The following HIP1 variants were observed in gnomAD, a reference collection of about 807,000 sequenced individuals.
HIP1 encodes huntingtin-interacting protein 1.
In HIP1, 65 loss-of-function variants were observed where a neutral mutation model predicts 147.6. The ratio of observed to expected loss-of-function variants is 0.44; its 90% CI spans 0.36 to 0.54. The LOEUF (loss-of-function observed/expected upper bound fraction) is 0.54. Among genes scored for constraint, HIP1 ranks in the 20% least tolerant of loss-of-function variants. HIP1 has a pLI of 0.00. For missense variants in HIP1, 1,061 were observed against 1,299.6 expected (o/e 0.82, Z 2.82); for synonymous variants, 479 against 504.0 (o/e 0.95, Z 0.67).
chr7:75,719,578 G>A (rs1238054534), intron 1 of HIP1, among the ~76,000 whole-genome samples: 1 of 152,008 alleles, frequency 6.6e-6, no homozygotes. Flanking sequence ...ACAATGTTGA[G>A]GACTTTTCAT....
chr7:75,559,560 A>G (rs1385654604), intron 14 of HIP1, among the ~76,000 whole-genome samples, 172 bp downstream of exon 14: 1 of 152,176 alleles, frequency 6.6e-6, no homozygotes, highest in African/African-American at 2.4e-5. Flanking sequence ...TTGTGCCTGC[A>G]GGACTCAAAC....
chr7:75,639,198 A>AGGC (rs530262772), intron 1 of HIP1: 306 of 974,506 alleles, frequency 3.1e-4, no homozygotes, highest in African/African-American at 2.6e-3. Flanking sequence ...GGACCGGGGC[A>AGGC]GGCGGCGGCG....
At chr7:75,556,681 A>G (rs794368) in intron 17 of HIP1, 29 bp downstream of exon 17, 750,339 of 1,305,504 alleles carry the variant, frequency 0.57, 220,817 homozygotes, top group Middle Eastern at 0.62. Flanking sequence ...AGAAGACTCT[A>G]TCTCCAAAAA....
intron 1 of HIP1, among the ~76,000 whole-genome samples, chr7:75,709,109 C>CTTTTTTTTTTTTTTTT (rs55720152): frequency 2.2e-4 from 29 of 131,414 alleles, no homozygotes; most frequent in East Asian, 4.4e-4. Flanking sequence ...TTTTTCTTTT[C>CTTTTTTTTTTTTTTTT]TTTTTTTTTT....
chr7:75,614,508 A>C (rs1446560152), intron 1 of HIP1, among the ~76,000 whole-genome samples: 1 of 123,874 alleles, frequency 8.1e-6, no homozygotes, highest in Non-Finnish European at 1.9e-5. Context: ...AAGTGCTCAG[A>C]ATGGGCAGAT....
intron 1 of HIP1, among the ~76,000 whole-genome samples, chr7:75,685,705 C>T (rs1345048001): frequency 9.9e-5 from 15 of 152,156 alleles, no homozygotes; most frequent in African/African-American, 2.7e-4. Context: ...CCCGCCACCA[C>T]GCCCGGCTAA....
rs1554493435 is a variant in HIP1, at chr7:75,556,748, G to GCTCC, written c.1641_1644dup (p.Leu549GlyfsTer40). ...TCCAGGCTGCCTTGCAGAACCTGAA[G>GCTCC]CTCCCGTTGGCTTGTGGCAAGTTCC... On this transcript the variant is annotated frameshift_variant, in exon 17 of 31. Coordinates refer to ENST00000336926, the MANE Select transcript of HIP1 (RefSeq NM_005338.7). LOFTEE classifies it high-confidence loss of function. The GCTCC allele has an allele frequency of 6.2e-7, 1 of 1,613,422 alleles. No homozygotes were observed. The highest frequency in any genetic ancestry group is 1.3e-5 in the African/African-American group (1 of 74,862).
At chr7:75,599,136 G>A (rs946005372) in intron 2 of HIP1, 48 bp downstream of exon 2, 6 of 1,440,484 alleles carry the variant, frequency 4.2e-6, no homozygotes, top group Non-Finnish European at 4.9e-6. Context: ...GTCCCCATGA[G>A]CTGACCTCCC....
At chr7:75,680,871 G>A (rs1328922840) in intron 1 of HIP1, among the ~76,000 whole-genome samples, 1 of 152,118 alleles carries the variant, frequency 6.6e-6, no homozygotes, top group Non-Finnish European at 1.5e-5. Flanking sequence ...CGCCTCCCAG[G>A]TTCAGGCCAT....
chr7:75,591,019 G>A (rs1267114878), intron 4 of HIP1, among the ~76,000 whole-genome samples: 4 of 151,618 alleles, frequency 2.6e-5, no homozygotes, highest in Non-Finnish European at 5.9e-5. Flanking sequence ...GAACATATCA[G>A]AATCAACCAG....
chr7:75,682,719 G>A (rs2253020), intron 1 of HIP1, among the ~76,000 whole-genome samples: 88,670 of 151,948 alleles, frequency 0.58, 26,440 homozygotes, highest in African/African-American at 0.69. Context: ...CTGATAGAGC[G>A]AGAAAATACA....
intron 28 of HIP1, 40 bp downstream of exon 28, chr7:75,542,811 A>G (rs141289688): frequency 6.2e-7 from 1 of 1,609,446 alleles, no homozygotes; most frequent in Admixed American, 1.7e-5. Context: ...AGAAGAGCTC[A>G]ACAGGGTGGG....
chr7:75,671,928 T>A (rs1799740447), intron 1 of HIP1, among the ~76,000 whole-genome samples: 1 of 152,050 alleles, frequency 6.6e-6, no homozygotes, highest in South Asian at 2.1e-4. Context: ...AGAGATAGAT[T>A]TTCACCGTGT....
chr7:75,569,820 A>G (rs587662565), intron 8 of HIP1, among the ~76,000 whole-genome samples: 2 of 152,332 alleles, frequency 1.3e-5, no homozygotes, highest in South Asian at 4.1e-4. Context: ...GTGAAACGTC[A>G]TAGCCAAGAG....
At chr7:75,700,517 G>T (rs1206500433) in intron 1 of HIP1, among the ~76,000 whole-genome samples, 1 of 152,150 alleles carries the variant, frequency 6.6e-6, no homozygotes, top group Admixed American at 6.6e-5. Context: ...CTCCATGAGG[G>T]TGGGATCTGT....
At chr7:75,599,076 C>G (rs1471974643) in intron 2 of HIP1, 108 bp downstream of exon 2, 1 of 796,196 alleles carries the variant, frequency 1.3e-6, no homozygotes, top group East Asian at 2.5e-5. Context: ...CTGGCCTGTG[C>G]AGGGTTGCCC....
At chr7:75,666,435 G>A (rs944965314) in intron 1 of HIP1, among the ~76,000 whole-genome samples, 11 of 152,144 alleles carry the variant, frequency 7.2e-5, no homozygotes, top group Non-Finnish European at 1.5e-4. Context: ...CTCCCAAAGT[G>A]CTGGGATTAC....
At chr7:75,658,920 A>C (rs1799220832) in intron 1 of HIP1, among the ~76,000 whole-genome samples, 1 of 152,064 alleles carries the variant, frequency 6.6e-6, no homozygotes, top group Non-Finnish European at 1.5e-5. Flanking sequence ...TACACACAAA[A>C]ACAAACAAAC....
chr7:75,699,468 G>A (rs1424241551), intron 1 of HIP1, among the ~76,000 whole-genome samples: 3 of 152,270 alleles, frequency 2.0e-5, no homozygotes, highest in African/African-American at 4.8e-5. Flanking sequence ...CCATCAATGT[G>A]TTTCGGCAGA....
Sources: allele counts gnomAD v4.1 joint callset (sites outside exome capture counted in the v4.1 genomes callset), GRCh38; gene constraint gnomAD v4.1.1; transcripts MANE v1.5; gene names NCBI Gene and HGNC (gene_info 2026-07-23, HGNC 2026-07-21).